COBLL1: variants seen among roughly 807,000 people sequenced by gnomAD.
The protein encoded by COBLL1 is cordon-bleu protein-like 1.
COBLL1 carries 50 observed loss-of-function variants against 94.8 expected under a neutral mutation model. That is an observed-to-expected ratio of 0.53 (90% CI 0.42 to 0.67). The LOEUF (loss-of-function observed/expected upper bound fraction) is 0.67. COBLL1 is among the 30% of genes least tolerant of loss of function. The pLI, the probability that COBLL1 is intolerant of heterozygous loss-of-function variation, is 0.00. For synonymous variants in COBLL1, 448 were observed against 473.8 expected, an observed-to-expected ratio of 0.95 and a Z score of 0.71; for missense variants, 1,362 against 1,348.7, an observed-to-expected ratio of 1.01 and a Z score of -0.15.
At chr2:164,834,837 G>C (rs936390085) in intron 2 of COBLL1, among the ~76,000 whole-genome samples, 1 of 152,062 alleles carries the variant, frequency 6.6e-6, no homozygotes, top group Non-Finnish European at 1.5e-5. Context: ...AAAAACAAAG[G>C]ACTTGAACAG....
chr2:164,812,125 TA>T (rs1232337794), intron 2 of COBLL1, among the ~76,000 whole-genome samples: 1 of 152,028 alleles, frequency 6.6e-6, no homozygotes, highest in East Asian at 1.9e-4. Flanking sequence ...AGACTTATGC[TA>T]TTTTCATCAA....
At chr2:164,665,157 G>A (rs1418553405) in intron 2 of COBLL1, among the ~76,000 whole-genome samples, 1 of 151,734 alleles carries the variant, frequency 6.6e-6, no homozygotes. Context: ...ATGGCAAAAC[G>A]CCATCTCTAC....
chr2:164,745,771 A>G (rs898376711), intron 2 of COBLL1, among the ~76,000 whole-genome samples: 1 of 152,210 alleles, frequency 6.6e-6, no homozygotes, highest in African/African-American at 2.4e-5. Flanking sequence ...GAAATAACTG[A>G]TATTTTTGGC....
At chr2:164,819,568 G>A (rs1046063662) in intron 2 of COBLL1, among the ~76,000 whole-genome samples, 1 of 152,074 alleles carries the variant, frequency 6.6e-6, no homozygotes, top group African/African-American at 2.4e-5. Context: ...AAAATGCAAT[G>A]AAAGCTCAGA....
At chr2:164,669,416 A>T (rs990579130) in intron 1 of COBLL1, among the ~76,000 whole-genome samples, 1 of 152,262 alleles carries the variant, frequency 6.6e-6, no homozygotes, top group South Asian at 2.1e-4. Context: ...TGGCTTGTCC[A>T]CTTATGTTTC....
In COBLL1 at chr2:164,815,127, CAG is replaced by C. The variant is rs531978053; in HGVS notation, c.41+26027_41+26028del. Among the ~76,000 whole-genome samples the C allele has an allele frequency of 3.7e-3, 558 of 152,172 alleles. 2 individuals carry two copies. Among genetic ancestry groups the C allele is most frequent in the Admixed American group, 6.1e-3 (93 of 15,276 alleles). On this transcript the variant is annotated intron_variant, in intron 2 of 13. Coordinates refer to ENST00000652658, the MANE Select transcript of COBLL1 (RefSeq NM_001365672.2). Reference sequence around the variant, plus strand: ...AAATGCATACTTTCCAGGCCAGACACAGGGGCTCATGCCTGTAATCCCAGCAT... The same window carrying C: ...AAATGCATACTTTCCAGGCCAGACACGGGCTCATGCCTGTAATCCCAGCAT...
chr2:164,786,457 G>C (rs953412152), intron 2 of COBLL1, among the ~76,000 whole-genome samples: 1 of 152,134 alleles, frequency 6.6e-6, no homozygotes, highest in African/African-American at 2.4e-5. Flanking sequence ...TGTTGAAGTA[G>C]AACTGAGACA....
At chr2:164,665,543 T>A (rs1018583813) in intron 2 of COBLL1, among the ~76,000 whole-genome samples, 1 of 151,960 alleles carries the variant, frequency 6.6e-6, no homozygotes, top group Non-Finnish European at 1.5e-5. Flanking sequence ...CCCAGAAATT[T>A]ATTATCAATC....
chr2:164,693,517 T>A (rs1361436844), intron 12 of COBLL1, among the ~76,000 whole-genome samples: 1 of 152,130 alleles, frequency 6.6e-6, no homozygotes, highest in Non-Finnish European at 1.5e-5. Flanking sequence ...AGGATTATCA[T>A]AAATCATGCT....
chr2:164,700,893 T>A (rs1298609278), intron 9 of COBLL1, 137 bp from the exon 10 acceptor site: 5 of 621,430 alleles, frequency 8.0e-6, no homozygotes, highest in South Asian at 2.0e-5. Context: ...ATAGTGAAGT[T>A]CTTTCTCCTG....
At chr2:164,825,720 T>C (rs1432012812) in intron 2 of COBLL1, among the ~76,000 whole-genome samples, 1 of 152,192 alleles carries the variant, frequency 6.6e-6, no homozygotes, top group Admixed American at 6.5e-5. Flanking sequence ...GCTGCCACCA[T>C]AGCTGAAAGA....
chr2:164,678,044 C>T (rs1460764974), downstream of COBLL1, among the ~76,000 whole-genome samples: 1 of 152,020 alleles, frequency 6.6e-6, no homozygotes. Flanking sequence ...TTCGTGTTTG[C>T]TAGTTAGACA....
chr2:164,776,021 C>T (rs1046962287), intron 2 of COBLL1, among the ~76,000 whole-genome samples: 34 of 152,054 alleles, frequency 2.2e-4, no homozygotes, highest in African/African-American at 8.2e-4. Flanking sequence ...CTCTCTTTCC[C>T]TCACTTCCAT....
At chr2:164,730,192 A>C (rs1225052812) in intron 3 of COBLL1, 77 bp from the exon 4 acceptor site, 1 of 1,249,522 alleles carries the variant, frequency 8.0e-7, no homozygotes, top group Admixed American at 1.9e-5. Context: ...ATAGATAAAC[A>C]AGTCTACAAG....
chr2:164,758,296 T>A (rs1157336456), intron 2 of COBLL1, among the ~76,000 whole-genome samples: 2 of 151,906 alleles, frequency 1.3e-5, no homozygotes, highest in African/African-American at 4.8e-5. Context: ...CTACATTAAC[T>A]GAATGCTTAT....
At chr2:164,687,509 G>A (rs879471887) in intron 13 of COBLL1, 29 of 1,432,782 alleles carry the variant, frequency 2.0e-5, no homozygotes, top group South Asian at 4.6e-5. Flanking sequence ...AGCTTGGTGC[G>A]GACGGACATG....
chr2:164,820,540 C>G (rs1352832177), intron 2 of COBLL1, among the ~76,000 whole-genome samples: 2 of 152,246 alleles, frequency 1.3e-5, no homozygotes, highest in East Asian at 3.9e-4. Flanking sequence ...TTTCATAATA[C>G]ACAAGTACTG....
chr2:164,758,322 AT>A (rs972124618), intron 2 of COBLL1, among the ~76,000 whole-genome samples: 17 of 152,156 alleles, frequency 1.1e-4, no homozygotes, highest in African/African-American at 4.1e-4. Flanking sequence ...TGCAGAAACT[AT>A]GCCAAATGTT....
chr2:164,793,428 AC>A (rs1489120820), intron 2 of COBLL1, among the ~76,000 whole-genome samples: 1 of 152,192 alleles, frequency 6.6e-6, no homozygotes, highest in African/African-American at 2.4e-5. Flanking sequence ...TAATTCTTTA[AC>A]AAAACTTCAT....
Sources: allele counts gnomAD v4.1 joint callset (sites outside exome capture counted in the v4.1 genomes callset), GRCh38; gene constraint gnomAD v4.1.1; transcripts MANE v1.5; gene names NCBI Gene and HGNC (gene_info 2026-07-23, HGNC 2026-07-21).